The following IL1RAPL1 variants were observed in gnomAD, a reference collection of about 807,000 sequenced individuals.
The protein encoded by IL1RAPL1 is interleukin 1 receptor accessory protein like 1.
A neutral mutation model predicts 48.4 loss-of-function variants in IL1RAPL1; 3 were observed. The observed-to-expected ratio is 0.06, with a 90% CI of 0.03 to 0.16. The LOEUF (loss-of-function observed/expected upper bound fraction) is 0.16, where lower values mean the gene tolerates loss of function less well. Among genes scored for constraint, IL1RAPL1 ranks in the 10% least tolerant of loss-of-function variants. The pLI is 1.00. For missense variants in IL1RAPL1, 349 were observed against 530.6 expected, an observed-to-expected ratio of 0.66 and a Z score of 3.36; for synonymous variants, 185 against 187.7, an observed-to-expected ratio of 0.99 and a Z score of 0.12.
At chrX:28,920,122 T>C (rs1013776774) in intron 2 of IL1RAPL1, among the ~76,000 whole-genome samples, 1 of 112,029 alleles carries the variant, frequency 8.9e-6, no homozygotes, top group Admixed American at 9.5e-5. Flanking sequence ...GTAACAGTTA[T>C]ATCATTTTTT....
chrX:29,396,558 T>A, intron 4 of IL1RAPL1, 114 bp downstream of exon 4: 1 of 643,065 alleles, frequency 1.6e-6, no homozygotes, highest in Non-Finnish European at 2.6e-6. Flanking sequence ...TTTGCCTTTC[T>A]AGAATAATAT....
At chrX:29,216,790 G>A (rs910565428) in intron 2 of IL1RAPL1, among the ~76,000 whole-genome samples, 3 of 111,825 alleles carry the variant, frequency 2.7e-5, no homozygotes, top group African/African-American at 9.7e-5. Flanking sequence ...GATTCAATGG[G>A]TTAGAGCATG....
chrX:29,418,939 A>G (rs1407989062), intron 5 of IL1RAPL1, among the ~76,000 whole-genome samples: 1 of 112,311 alleles, frequency 8.9e-6, no homozygotes, highest in African/African-American at 3.2e-5. Flanking sequence ...TTTGATAAAC[A>G]TTTAGTAAGA....
intron 5 of IL1RAPL1, among the ~76,000 whole-genome samples, chrX:29,483,481 C>T (rs1233233146): frequency 3.6e-5 from 4 of 111,160 alleles, no homozygotes; most frequent in African/African-American, 6.6e-5. Flanking sequence ...ATTTTCTAGG[C>T]GGTTTGTTTC....
At chrX:29,059,731 T>G (rs192476045) in intron 2 of IL1RAPL1, among the ~76,000 whole-genome samples, 1 of 111,827 alleles carries the variant, frequency 8.9e-6, no homozygotes, top group Admixed American at 9.5e-5. Context: ...CTACCAAAAT[T>G]TTAGAAAACA....
chrX:28,737,191 CT>C (rs1569161885), intron 1 of IL1RAPL1, among the ~76,000 whole-genome samples: 1 of 79,449 alleles, frequency 1.3e-5, no homozygotes, highest in African/African-American at 4.8e-5. Context: ...TCTTTCCTTT[CT>C]CTTTCTTTCT....
At chrX:28,644,578 G>A (rs1172391853) in intron 1 of IL1RAPL1, among the ~76,000 whole-genome samples, 1 of 111,222 alleles carries the variant, frequency 9.0e-6, no homozygotes, top group Non-Finnish European at 1.9e-5. Context: ...ACTGACTGAG[G>A]TTCCCTGGAT....
At chrX:29,470,268 T>C (rs1463175460) in intron 5 of IL1RAPL1, among the ~76,000 whole-genome samples, 2 of 112,019 alleles carry the variant, frequency 1.8e-5, no homozygotes, top group Non-Finnish European at 3.8e-5. Context: ...TCCAAGATCT[T>C]TTATTGGCCA....
rs1382837765 is a variant in IL1RAPL1 at position 28,695,713 on chromosome X, A to G, written c.-24-93607A>G. On this transcript the variant is annotated intron_variant, in intron 1 of 10. Coordinates refer to ENST00000378993, the MANE Select transcript of IL1RAPL1 (RefSeq NM_014271.4). ...TTCAGCAACTGTTTGCTGAGTATCT[A>G]CTGTATACTAGCAATGATGGAAGGC... Among the ~76,000 whole-genome samples, 6 of 111,923 alleles carry G rather than the reference A, an allele frequency of 5.4e-5. No homozygotes were observed. The East Asian group carries it at 8.4e-4, about 16-fold the overall frequency.
intron 2 of IL1RAPL1, among the ~76,000 whole-genome samples, chrX:28,934,931 C>T (rs760611084): frequency 1.8e-5 from 2 of 111,206 alleles, no homozygotes; most frequent in South Asian, 3.8e-4. Flanking sequence ...TCCTGGGGAA[C>T]GGTCATACTT....
chrX:29,551,635 G>A (rs756287333), intron 5 of IL1RAPL1, among the ~76,000 whole-genome samples: 3 of 111,349 alleles, frequency 2.7e-5, no homozygotes, highest in African/African-American at 6.5e-5. Context: ...ATTCATGTAC[G>A]TAATGAACTG....
intron 2 of IL1RAPL1, among the ~76,000 whole-genome samples, chrX:29,090,618 C>T (rs890953317): frequency 2.7e-5 from 3 of 111,767 alleles, no homozygotes; most frequent in Admixed American, 9.6e-5. Flanking sequence ...GGTTTTTCAC[C>T]GAGTCTAAAT....
At chrX:28,866,844 A>G (rs1922088971) in intron 2 of IL1RAPL1, among the ~76,000 whole-genome samples, 1 of 111,913 alleles carries the variant, frequency 8.9e-6, no homozygotes, top group South Asian at 3.7e-4. Context: ...AGATGTACAT[A>G]TTATAACTGG....
chrX:29,246,588 T>C (rs1376977320), intron 2 of IL1RAPL1, among the ~76,000 whole-genome samples: 1 of 111,653 alleles, frequency 9.0e-6, no homozygotes, highest in East Asian at 2.8e-4. Flanking sequence ...ACAAATTTTC[T>C]GTGAAAAGCT....
At chrX:28,725,294 A>T (rs1199363095) in intron 1 of IL1RAPL1, among the ~76,000 whole-genome samples, 1 of 111,222 alleles carries the variant, frequency 9.0e-6, no homozygotes, top group Admixed American at 9.6e-5. Flanking sequence ...AAACATTCAC[A>T]AAGAACTACT....
chrX:28,711,729 T>C (rs752638571), intron 1 of IL1RAPL1, among the ~76,000 whole-genome samples: 13 of 105,632 alleles, frequency 1.2e-4, no homozygotes, highest in Non-Finnish European at 2.3e-4. Flanking sequence ...GTATTTTTAA[T>C]AATAAATATA....
intron 5 of IL1RAPL1, among the ~76,000 whole-genome samples, chrX:29,617,725 G>C (rs934436394): frequency 1.8e-5 from 2 of 112,071 alleles, no homozygotes; most frequent in African/African-American, 6.5e-5. Context: ...ATGCACTACT[G>C]CATTTGTTTC....
At chrX:29,037,643 A>G (rs1392248050) in intron 2 of IL1RAPL1, among the ~76,000 whole-genome samples, 1 of 111,686 alleles carries the variant, frequency 9.0e-6, no homozygotes, top group African/African-American at 3.3e-5. Context: ...AAATAGTATG[A>G]CATTTATGAC....
At chrX:29,920,436 A>T (rs899375185) in intron 8 of IL1RAPL1, among the ~76,000 whole-genome samples, 17 of 111,536 alleles carry the variant, frequency 1.5e-4, no homozygotes, top group African/African-American at 4.9e-4. Context: ...AAGACAAAAA[A>T]ATGTGAAGGG....
Sources: gnomAD v4.1 joint callset for allele counts (sites outside exome capture counted in the v4.1 genomes callset) on GRCh38, gnomAD v4.1.1 for gene constraint, MANE v1.5 for transcripts, NCBI Gene and HGNC (gene_info 2026-07-23, HGNC 2026-07-21) for gene names.